Variants in RBM28 observed in about 807,000 individuals in gnomAD.
RBM28 encodes RNA-binding protein 28.
A neutral mutation model predicts 98.3 loss-of-function variants in RBM28; 78 were observed. The ratio of observed to expected loss-of-function variants is 0.79; its 90% CI spans 0.66 to 0.96. The LOEUF (loss-of-function observed/expected upper bound fraction) is 0.96. RBM28 is among the 40% of genes least tolerant of loss of function. The probability of loss-of-function intolerance (pLI) is 0.00; values close to 1 mark genes in which losing one functional copy is unlikely to be tolerated. For missense variants in RBM28, 838 were observed against 913.0 expected, an observed-to-expected ratio of 0.92 and a Z score of 1.06; for synonymous variants, 306 against 330.9, an observed-to-expected ratio of 0.92 and a Z score of 0.82.
intron 13 of RBM28, among the ~76,000 whole-genome samples, chr7:128,322,206 G>A (rs932285746): frequency 3.3e-5 from 5 of 152,158 alleles, no homozygotes; most frequent in Non-Finnish European, 7.3e-5. Flanking sequence ...ATACTTGACA[G>A]AATGCTGTGT....
rs780108503 is a variant in RBM28, at chr7:128,301,215, G to C, written c.*9582C>G. 6.6e-6 allele frequency: 1 copy of C among 152,226 alleles called. No individual in the cohort carries two copies. The highest frequency in any genetic ancestry group is 1.5e-5 in the Non-Finnish European group (1 of 68,046). The allele number at this position is 152,226 out of a possible 1,614,324, so 9.4% of individuals were successfully genotyped here. A position where few individuals can be genotyped will look rare whatever the true frequency, so the allele number is the denominator to read the frequency against. On this transcript the variant is annotated 3_prime_UTR_variant, in exon 19 of 19. Transcript: ENST00000223073. ...AAAGACATCACAGACCCTATCTCCC[G>C]TGCTCTTTTACAGTGGCTATTTCAT...
In RBM28 at chr7:128,310,091, T is replaced by C. The variant is rs1036892283; in HGVS notation, c.*706A>G. 2.0e-5 allele frequency: 3 copies of C among 152,796 alleles called. No homozygotes were observed. The highest frequency in any genetic ancestry group is 2.9e-5 in the Non-Finnish European group (2 of 68,524). 9.5% of individuals were successfully genotyped at this position (152,796 alleles called of 1,614,324 possible). On this transcript the variant is annotated 3_prime_UTR_variant, in exon 19 of 19. Coordinates refer to ENST00000223073, the MANE Select transcript of RBM28 (RefSeq NM_018077.3). The stretch of plus-strand genomic sequence containing the variant: ...GGACTTAGAGAGCTAGTGGATACGA[T>C]GAAAAGGGAGGTGCTCTATGAGAGA...
intron 10 of RBM28, among the ~76,000 whole-genome samples, chr7:128,326,173 G>A (rs1796346758): frequency 6.6e-6 from 1 of 151,670 alleles, no homozygotes. Flanking sequence ...GCGTGGTGGC[G>A]GGCACCTGTA....
At position 128,299,914 on chromosome 7, in the gene RBM28, C is replaced by A. The variant is rs935791828; in HGVS notation, c.*10883G>T. ...CAGGGAGAAGATGGCCATGTGACAA[C>A]GAGGCAGAGACTGCAGTGATGCATC... On this transcript the variant is annotated 3_prime_UTR_variant, in exon 19 of 19. Coordinates refer to ENST00000223073, the MANE Select transcript of RBM28 (RefSeq NM_018077.3). The A allele has an allele frequency of 6.6e-6, 1 of 152,214 alleles. No individual in the cohort carries two copies. The highest frequency in any genetic ancestry group is 6.5e-5 in the Admixed American group (1 of 15,280). 9.4% of individuals were successfully genotyped at this position (152,214 alleles called of 1,614,324 possible).
At chr7:128,327,830 G>A (rs1315720735) in intron 10 of RBM28, among the ~76,000 whole-genome samples, 1 of 152,166 alleles carries the variant, frequency 6.6e-6, no homozygotes, top group East Asian at 1.9e-4. Context: ...AGCAAAGAAA[G>A]TAAGTTTACC....
intron 11 of RBM28, among the ~76,000 whole-genome samples, chr7:128,325,290 C>A (rs1322466043): frequency 6.6e-6 from 1 of 152,048 alleles, no homozygotes; most frequent in East Asian, 1.9e-4. Flanking sequence ...CAAAGTAGAC[C>A]CAAACTGAGG....
In RBM28 at chr7:128,301,411, G is replaced by C. The variant is rs1478152347; in HGVS notation, c.*9386C>G. On this transcript the variant is annotated 3_prime_UTR_variant, in exon 19 of 19. Coordinates refer to ENST00000223073, the MANE Select transcript of RBM28 (RefSeq NM_018077.3). ...CAAAGGGTGAGTCTCAGCTTCACAG[G>C]GCTGCAGCATCAGCAGCCTCTCTTG... 1.3e-5 allele frequency: 2 copies of C among 152,142 alleles called. No homozygotes were observed. The highest frequency in any genetic ancestry group is 4.8e-5 in the African/African-American group (2 of 41,454). 9.4% of individuals were successfully genotyped at this position (152,142 alleles called of 1,614,324 possible). A position where few individuals can be genotyped will look rare whatever the true frequency, so the allele number is the denominator to read the frequency against.
chr7:128,315,838 T>C (rs1245930492), intron 16 of RBM28, among the ~76,000 whole-genome samples: 1 of 151,994 alleles, frequency 6.6e-6, no homozygotes, highest in Non-Finnish European at 1.5e-5. Flanking sequence ...CTGCAAGAAA[T>C]GCGAAATAAT....
intron 16 of RBM28, among the ~76,000 whole-genome samples, chr7:128,315,308 G>T (rs554434361): frequency 6.0e-4 from 92 of 152,278 alleles, no homozygotes; most frequent in Middle Eastern, 3.4e-3. Flanking sequence ...ATTATCAAAG[G>T]TGTAACCTAT....
intron 6 of RBM28, among the ~76,000 whole-genome samples, chr7:128,336,478 A>G (rs2116384358): frequency 6.6e-6 from 1 of 152,296 alleles, no homozygotes; most frequent in East Asian, 1.9e-4. Flanking sequence ...AAGTTTCTCT[A>G]TTCTTAATGT....
At chr7:128,323,131 A>T (rs956065261) in intron 13 of RBM28, among the ~76,000 whole-genome samples, 1 of 152,174 alleles carries the variant, frequency 6.6e-6, no homozygotes, top group South Asian at 2.1e-4. Flanking sequence ...TTCAAGAGCC[A>T]TATCTTCTCC....
At chr7:128,318,185 A>G in intron 14 of RBM28, 79 bp from the exon 15 acceptor site, 3 of 1,410,620 alleles carry the variant, frequency 2.1e-6, no homozygotes, top group South Asian at 1.2e-5. Flanking sequence ...AATAGAGTCA[A>G]TAAGAAATCA....
intron 1 of RBM28, chr7:128,341,025 T>C: frequency 1.6e-6 from 1 of 619,442 alleles, no homozygotes; most frequent in Non-Finnish European, 2.4e-6. Context: ...TAACCCACCT[T>C]TGCCCTTTTT....
chr7:128,317,509 C>A, intron 16 of RBM28, 150 bp downstream of exon 16: 1 of 653,192 alleles, frequency 1.5e-6, no homozygotes, highest in South Asian at 1.8e-5. Context: ...AAGAAGATGG[C>A]CTGGAGAGGC....
chr7:128,311,019 A>G, intron 18 of RBM28, 88 bp from the exon 19 acceptor site: 1 of 1,319,282 alleles, frequency 7.6e-7, no homozygotes, highest in South Asian at 1.2e-5. Context: ...AGAGAAAGTA[A>G]GTGGGACAGA....
intron 16 of RBM28, among the ~76,000 whole-genome samples, chr7:128,316,960 T>C (rs1229199333): frequency 2.0e-5 from 3 of 152,190 alleles, no homozygotes; most frequent in Non-Finnish European, 4.4e-5. Flanking sequence ...GCAATATCAA[T>C]GAGAGCTCTA....
In RBM28 at chr7:128,321,390, T is replaced by C. The variant is rs778266228; in HGVS notation, c.1439A>G (p.Gln480Arg). Residue 480 changes from glutamine to arginine, a missense_variant, in exon 14 of 19, where the codon CAG (glutamine) becomes CGG (arginine). Gln to Arg is a conservative substitution (Grantham distance 43). Coordinates refer to ENST00000223073, the MANE Select transcript of RBM28 (RefSeq NM_018077.3). ...CCTGGTTCGGGAGACAAAGATATTC[T>C]GGTCCTTGAGTTTCTGATGCTTCAG... ...ELLKHQKLKD[Q>R]NIFVSRTRLC... is the part of the protein sequence containing the mutation. The C allele has an allele frequency of 6.2e-7, 1 of 1,614,230 alleles. No homozygotes were observed. The highest frequency in any genetic ancestry group is 1.1e-5 in the South Asian group (1 of 91,080).
intron 8 of RBM28, among the ~76,000 whole-genome samples, chr7:128,334,680 G>A (rs1796558644): frequency 1.3e-5 from 2 of 152,162 alleles, no homozygotes; most frequent in Admixed American, 6.5e-5. Flanking sequence ...AATAAGGATT[G>A]GCTAAAGTTT....
At chr7:128,321,224 G>T in intron 14 of RBM28, 42 bp downstream of exon 14, 1 of 1,612,378 alleles carries the variant, frequency 6.2e-7, no homozygotes, top group Non-Finnish European at 8.5e-7. Flanking sequence ...TCTGACCCAA[G>T]ATCAGAATGA....
Sources: allele counts gnomAD v4.1 joint callset (sites outside exome capture counted in the v4.1 genomes callset), GRCh38; gene constraint gnomAD v4.1.1; transcripts MANE v1.5; gene names NCBI Gene and HGNC (gene_info 2026-07-23, HGNC 2026-07-21).